Variants in BPTF observed in about 807,000 individuals in gnomAD.
The protein encoded by BPTF is nucleosome-remodeling factor subunit BPTF.
A neutral mutation model predicts 292.5 loss-of-function variants in BPTF; 18 were observed. That is an observed-to-expected ratio of 0.06 (90% CI 0.04 to 0.09). BPTF has a LOEUF of 0.09. Ranked by LOEUF, BPTF falls within the 10% of genes least tolerant of loss-of-function variation. The probability of loss-of-function intolerance (pLI) is 1.00; values close to 1 mark genes in which losing one functional copy is unlikely to be tolerated. For synonymous variants in BPTF, 1,225 were observed against 1,251.9 expected, an observed-to-expected ratio of 0.98 and a Z score of 0.45; for missense variants, 2,726 against 3,498.7, an observed-to-expected ratio of 0.78 and a Z score of 5.57.
intron 26 of BPTF, among the ~76,000 whole-genome samples, chr17:67,971,287 C>T (rs1555690723): frequency 6.6e-6 from 1 of 151,758 alleles, no homozygotes; most frequent in Non-Finnish European, 1.5e-5. Flanking sequence ...CCATGTTGGC[C>T]AGGCTGATCT....
chr17:67,875,537 G>A (rs765209552), intron 4 of BPTF: 1 of 1,455,246 alleles, frequency 6.9e-7, no homozygotes. Flanking sequence ...TTGAAGTTTT[G>A]TTGTGCATTT....
chr17:67,896,172 C>T (rs1273361792), intron 7 of BPTF, among the ~76,000 whole-genome samples: 8 of 152,104 alleles, frequency 5.3e-5, no homozygotes, highest in Non-Finnish European at 1.5e-5. Context: ...CCGTGTTAGC[C>T]AGGATGGTCT....
chr17:67,836,099 T>C (rs187260581), intron 1 of BPTF, among the ~76,000 whole-genome samples: 5 of 152,220 alleles, frequency 3.3e-5, no homozygotes, highest in South Asian at 4.1e-4. Context: ...GTGTAAAAGC[T>C]GATATGCAAA....
chr17:67,959,645 T>TCCAGCCCCTCCAGCCCCG lies in BPTF; in HGVS notation c.8048_8049insGCCAGCCCCTCCAGCCCC (p.Ala2679_Pro2684dup). The TCCAGCCCCTCCAGCCCCG allele has an allele frequency of 6.2e-7, 1 of 1,600,378 alleles. No homozygotes were observed. Among genetic ancestry groups the TCCAGCCCCTCCAGCCCCG allele is most frequent in the Non-Finnish European group, 8.5e-7 (1 of 1,174,264 alleles). On this transcript the variant is annotated inframe_insertion, in exon 24 of 28. Coordinates refer to ENST00000306378, the MANE Select transcript of BPTF (RefSeq NM_182641.4). ...CCTGCCCCCCAGTGACACCAGCTCC[T>TCCAGCCCCTCCAGCCCCG]CCAGCCCCTCCAGCCCCTCCACCTT...
intron 16 of BPTF, 132 bp downstream of exon 16, chr17:67,928,733 A>T (rs1416130129): frequency 8.2e-7 from 1 of 1,213,688 alleles, no homozygotes; most frequent in Non-Finnish European, 1.1e-6. Flanking sequence ...AACAAGCTGT[A>T]ACGGTTGGTT....
At chr17:67,964,751 A>G (rs370449913) in intron 25 of BPTF, among the ~76,000 whole-genome samples, 3 of 152,148 alleles carry the variant, frequency 2.0e-5, no homozygotes, top group South Asian at 2.1e-4. Flanking sequence ...CTGTAATCCC[A>G]GCACTTTGGG....
chr17:67,941,875 G>T (rs1555672083), intron 19 of BPTF, among the ~76,000 whole-genome samples: 1 of 152,184 alleles, frequency 6.6e-6, no homozygotes, highest in Non-Finnish European at 1.5e-5. Context: ...AAGAACCTCT[G>T]TTCATCAAAC....
intron 24 of BPTF, among the ~76,000 whole-genome samples, chr17:67,962,327 A>G (rs2067592115): frequency 6.6e-6 from 1 of 152,188 alleles, no homozygotes; most frequent in Non-Finnish European, 1.5e-5. Context: ...GTTCCCTGTG[A>G]TTCATGGTAA....
chr17:67,877,983 T>G (rs1264754497), intron 4 of BPTF, among the ~76,000 whole-genome samples: 1 of 152,200 alleles, frequency 6.6e-6, no homozygotes, highest in Non-Finnish European at 1.5e-5. Flanking sequence ...AAATATTAAG[T>G]GAATAACTTG....
At chr17:67,865,709 C>T (rs1289709875) in intron 2 of BPTF, among the ~76,000 whole-genome samples, 1 of 152,138 alleles carries the variant, frequency 6.6e-6, no homozygotes, top group Admixed American at 6.6e-5. Context: ...TCCTCTATGT[C>T]TAGTCCTAGA....
At chr17:67,876,028 A>C (rs2145776987) in intron 4 of BPTF, among the ~76,000 whole-genome samples, 1 of 152,308 alleles carries the variant, frequency 6.6e-6, no homozygotes, top group African/African-American at 2.4e-5. Context: ...ATAGTGGCAG[A>C]TATTTTGGTT....
In BPTF at chr17:67,948,312, A is replaced by G. The variant is rs370079727; in HGVS notation, c.7926+6A>G. On this transcript the variant is annotated splice_donor_region_variant and intron_variant, in intron 23 of 27. Coordinates refer to ENST00000306378, the MANE Select transcript of BPTF (RefSeq NM_182641.4). ...ATCTGCAAATTGAAGTGCAGGTAAG[A>G]GGGCACATCCTTTTCTTCTGTGTCC... 8.1e-6 allele frequency: 13 copies of G among 1,607,084 alleles called. No individual in the cohort carries two copies. Among genetic ancestry groups the G allele is most frequent in the Non-Finnish European group, 1.1e-5 (13 of 1,176,298 alleles).
chr17:67,919,771 G>A (rs980650550), intron 12 of BPTF, among the ~76,000 whole-genome samples: 3 of 152,030 alleles, frequency 2.0e-5, no homozygotes, highest in African/African-American at 7.3e-5. Context: ...ATTGAGTATT[G>A]CCACCAGGAG....
intron 7 of BPTF, among the ~76,000 whole-genome samples, chr17:67,895,416 G>T (rs2061376184): frequency 1.4e-5 from 2 of 145,338 alleles, no homozygotes; most frequent in African/African-American, 5.1e-5. Flanking sequence ...GTTTTCATTT[G>T]CTAAAGGTAT....
intron 1 of BPTF, among the ~76,000 whole-genome samples, chr17:67,839,597 A>G (rs2057397333): frequency 1.3e-5 from 2 of 152,156 alleles, no homozygotes; most frequent in South Asian, 4.1e-4. Flanking sequence ...TGCATAATGT[A>G]TTTGAGATTC....
chr17:67,839,383 G>C (rs2057384476), intron 1 of BPTF, among the ~76,000 whole-genome samples: 1 of 151,492 alleles, frequency 6.6e-6, no homozygotes, highest in African/African-American at 2.4e-5. Context: ...TGTCATCTTA[G>C]CATCTTTTAA....
intron 2 of BPTF, among the ~76,000 whole-genome samples, chr17:67,857,978 G>A (rs2058819245): frequency 6.6e-6 from 1 of 151,508 alleles, no homozygotes; most frequent in African/African-American, 2.4e-5. Context: ...AGTAGAGATG[G>A]GGTTTCACCA....
chr17:67,884,148 T>TTTTTTTTTTC (rs2060599680), intron 4 of BPTF, among the ~76,000 whole-genome samples: 1 of 151,312 alleles, frequency 6.6e-6, no homozygotes, highest in South Asian at 2.1e-4. Flanking sequence ...CTTTTTTTTT[T>TTTTTTTTTTC]TTTTTTTTTG....
chr17:67,888,035 G>A (rs1055962171), intron 4 of BPTF, among the ~76,000 whole-genome samples: 5 of 152,182 alleles, frequency 3.3e-5, no homozygotes, highest in African/African-American at 1.2e-4. Context: ...CAAAAGTTGG[G>A]TAGGAATGGT....
Sources: allele counts gnomAD v4.1 joint callset (sites outside exome capture counted in the v4.1 genomes callset), GRCh38; gene constraint gnomAD v4.1.1; transcripts MANE v1.5; gene names NCBI Gene and HGNC (gene_info 2026-07-23, HGNC 2026-07-21).